The following ZNF225 variants were observed in gnomAD, a reference collection of about 807,000 sequenced individuals.
ZNF225 encodes the protein zinc finger protein 225.
In ZNF225, 6 loss-of-function variants were observed where a neutral mutation model predicts 12.0. The observed-to-expected ratio is 0.50, with a 90% CI of 0.27 to 0.98. The LOEUF is 0.98. ZNF225 is among the 50% of genes least tolerant of loss of function. The probability of loss-of-function intolerance (pLI) is 0.11; values close to 1 mark genes in which losing one functional copy is unlikely to be tolerated. For missense variants in ZNF225, 763 were observed against 848.2 expected (o/e 0.90, Z 1.25); for synonymous variants, 271 against 283.2 (o/e 0.96, Z 0.43).
At chr19:44,113,994 C>T in intron 1 of ZNF225, 1 of 295,880 alleles carries the variant, frequency 3.4e-6, no homozygotes, top group Non-Finnish European at 6.2e-6. Context: ...GGCCCTTCTC[C>T]CTGATTCCTG....
At chr19:44,126,055 C>T (rs1319092358) in intron 4 of ZNF225, among the ~76,000 whole-genome samples, 1 of 151,960 alleles carries the variant, frequency 6.6e-6, no homozygotes, top group Admixed American at 6.6e-5. Context: ...GGGATTTCTT[C>T]TTGGTTTGGA....
rs1254266727 is a variant in ZNF225 at position 44,131,180 on chromosome 19, C to T, written c.566C>T (p.Ser189Leu). ...DECGKSFCYS[S>L]ALRIHQRVHM... The stretch of plus-strand genomic sequence containing the variant: ...TGTGGAAAGAGTTTCTGTTATAGCT[C>T]AGCTCTTCGTATTCATCAGAGAGTT... Residue 189 changes from serine (S) to leucine (L), a missense_variant, in exon 5 of 5, where the codon TCA (serine) becomes TTA (leucine). Coordinates refer to ENST00000262894, the MANE Select transcript of ZNF225 (RefSeq NM_013362.4). 3 of 1,614,044 alleles carry T rather than the reference C, an allele frequency of 1.9e-6. No individual in the cohort carries two copies. Among genetic ancestry groups the T allele is most frequent in the South Asian group, 2.2e-5 (2 of 91,082 alleles).
At position 44,115,823 on chromosome 19, in the gene ZNF225, G is replaced by A; in HGVS notation, c.-5G>A. The A allele has an allele frequency of 1.2e-6, 2 of 1,613,114 alleles. No homozygotes were observed. Among genetic ancestry groups the A allele is most frequent in the African/African-American group, 1.3e-5 (1 of 74,988 alleles). On this transcript the variant is annotated 5_prime_UTR_variant, in exon 2 of 5. Transcript: ENST00000262894. ...CTCTGAATATTCCCTGAAATAGGAG[G>A]AAAAATGACCACGTTGAAGGTGAGT...
At chr19:44,115,704 G>A (rs1599671991) in intron 1 of ZNF225, 56 bp from the exon 2 acceptor site, 1 of 840,862 alleles carries the variant, frequency 1.2e-6, no homozygotes, top group Non-Finnish European at 1.8e-6. Flanking sequence ...GTTGGTGGAT[G>A]GCATCCCTGG....
chr19:44,118,367 A>G (rs1003505968), intron 3 of ZNF225, 53 bp downstream of exon 3: 4 of 1,610,610 alleles, frequency 2.5e-6, no homozygotes, highest in African/African-American at 2.7e-5. Flanking sequence ...GTGGCTTTGT[A>G]TCCTAGAGTG....
At chr19:44,127,429 G>T (rs1386065021) in intron 4 of ZNF225, among the ~76,000 whole-genome samples, 2 of 152,100 alleles carry the variant, frequency 1.3e-5, no homozygotes, top group Non-Finnish European at 2.9e-5. Flanking sequence ...TCCTTCAGAG[G>T]GTCTGTGGGT....
Position 44,118,589 on chromosome 19 carries a change from A to C in ZNF225, c.235+15A>C, listed in dbSNP as rs1283811073. The stretch of plus-strand genomic sequence containing the variant: ...AGGGAATTTAGGTAAGAAGCAAGCA[A>C]CTCTGTGTCCTTGTGCGTGACTCTC... On this transcript the variant is annotated intron_variant, in intron 4 of 4. Transcript: ENST00000262894. 1 of 1,606,968 alleles carries C rather than the reference A, an allele frequency of 6.2e-7. No homozygotes were observed. The highest frequency in any genetic ancestry group is 8.5e-7 in the Non-Finnish European group (1 of 1,175,044).
At position 44,131,431 on chromosome 19, in the gene ZNF225, T is replaced by TC. The variant is rs1278364809; in HGVS notation, c.820dup (p.Gln274ProfsTer18). The TC allele has an allele frequency of 2.0e-5, 32 of 1,614,078 alleles. No homozygotes were observed. Among genetic ancestry groups the TC allele is most frequent in the Non-Finnish European group, 2.7e-5 (32 of 1,180,048 alleles). ...ATGTGGGAAGGCCTTCATTCATGATTCCCAGCTTCAGGAACATCAAAGAAT... is the reference window on the plus strand; with the variant it reads ...ATGTGGGAAGGCCTTCATTCATGATTCCCCAGCTTCAGGAACATCAAAGAAT... On this transcript the variant is annotated frameshift_variant, in exon 5 of 5. Transcript: ENST00000262894. LOFTEE classifies it low-confidence loss of function (END_TRUNC).
At chr19:44,122,277 T>C (rs2147561497) in intron 4 of ZNF225, among the ~76,000 whole-genome samples, 1 of 152,342 alleles carries the variant, frequency 6.6e-6, no homozygotes, top group South Asian at 2.1e-4. Flanking sequence ...TTTATGTTTT[T>C]GTTTGCTTTG....
intron 4 of ZNF225, among the ~76,000 whole-genome samples, chr19:44,124,144 C>T (rs959132781): frequency 3.3e-5 from 5 of 152,000 alleles, no homozygotes; most frequent in African/African-American, 1.2e-4. Context: ...TTGATGTAGG[C>T]ATTTAGGGCT....
At chr19:44,112,843 C>T (rs979012004), upstream of ZNF225, 2 of 152,244 alleles carry the variant, frequency 1.3e-5, no homozygotes, top group African/African-American at 4.8e-5. Context: ...CAAAACTTAA[C>T]TCCTCGAAGA....
chr19:44,118,084 G>T (rs1306870610), intron 2 of ZNF225, 104 bp from the exon 3 acceptor site: 2 of 1,328,196 alleles, frequency 1.5e-6, no homozygotes, highest in East Asian at 2.6e-5. Context: ...TGTCTCTCAA[G>T]ATCCAAAACA....
chr19:44,115,329 C>T (rs1360455581), intron 1 of ZNF225, among the ~76,000 whole-genome samples: 1 of 152,178 alleles, frequency 6.6e-6, no homozygotes, highest in Admixed American at 6.5e-5. Context: ...CCCATTAAGC[C>T]TCCTTGTGCT....
At chr19:44,118,424 AC>A in intron 3 of ZNF225, 57 bp from the exon 4 acceptor site, 1 of 1,611,164 alleles carries the variant, frequency 6.2e-7, no homozygotes, top group South Asian at 1.1e-5. Context: ...AGTAAATTTT[AC>A]TTAGATTTTT....
rs62640901 is a variant in ZNF225 at position 44,118,305 on chromosome 19, C to T, written c.133C>T (p.Leu45Phe). The T allele has an allele frequency of 1.5e-3, 2,399 of 1,612,844 alleles. 24 individuals carry two copies. In the African/African-American group the frequency reaches 0.024, roughly 16 times the overall value. The change falls in exon 3 of 5, where the codon CTC becomes TTC. Residue 45 changes from leucine (L) to phenylalanine (F), a missense_variant. Physicochemically the swap from Leu to Phe is conservative, Grantham distance 22. Transcript: ENST00000262894. The stretch of plus-strand genomic sequence containing the variant: ...GATGCTGGAGAACTTCAGGAACCTG[C>T]TCTCAGTGGGTGAGGACAGGCACCC... ...EVMLENFRNLLSVGHQSLHRD... is the reference protein window; with the variant it reads ...EVMLENFRNLFSVGHQSLHRD...
upstream of ZNF225, chr19:44,112,993 A>C (rs1251049926): frequency 6.6e-6 from 1 of 152,160 alleles, no homozygotes; most frequent in Non-Finnish European, 1.5e-5. Flanking sequence ...ATAACAGTTC[A>C]CATTCCCCAC....
intron 1 of ZNF225, chr19:44,114,290 T>A (rs1568536218): frequency 1.7e-6 from 1 of 605,794 alleles, no homozygotes; most frequent in Non-Finnish European, 3.0e-6. Context: ...TCTTCGGGCA[T>A]GGGTGTTGCT....
At chr19:44,117,747 A>G (rs1343490417) in intron 2 of ZNF225, among the ~76,000 whole-genome samples, 3 of 152,178 alleles carry the variant, frequency 2.0e-5, no homozygotes, top group Admixed American at 2.0e-4. Flanking sequence ...GGCTGGGCGC[A>G]GTGGCTCATG....
Position 44,118,973 on chromosome 19 carries a change from C to T in ZNF225, c.235+399C>T, listed in dbSNP as rs182794978. 2.7e-3 allele frequency among the ~76,000 whole-genome samples: 418 copies of T among 152,218 alleles called. 2 individuals carry two copies. Among genetic ancestry groups the T allele is most frequent in the African/African-American group, 7.9e-3 (326 of 41,520 alleles). Reference sequence around the variant, plus strand: ...CTGGGAATACAGATGCCCGCCACCACGCCCGGCTAATTTTTTGTATTTTTA... The same window carrying T: ...CTGGGAATACAGATGCCCGCCACCATGCCCGGCTAATTTTTTGTATTTTTA... On this transcript the variant is annotated intron_variant, in intron 4 of 4. Coordinates refer to ENST00000262894, the MANE Select transcript of ZNF225 (RefSeq NM_013362.4).
Sources: gnomAD v4.1 joint callset for allele counts (sites outside exome capture counted in the v4.1 genomes callset) on GRCh38, gnomAD v4.1.1 for gene constraint, MANE v1.5 for transcripts, NCBI Gene and HGNC (gene_info 2026-07-23, HGNC 2026-07-21) for gene names.